ITFG1: variants seen among roughly 807,000 people sequenced by gnomAD.
The protein encoded by ITFG1 is T-cell immunomodulatory protein.
Under a neutral mutation model 81.8 loss-of-function variants are expected in ITFG1, and 34 were observed. The ratio of observed to expected loss-of-function variants is 0.42; its 90% CI spans 0.32 to 0.55. The LOEUF (loss-of-function observed/expected upper bound fraction) is 0.55, where lower values mean the gene tolerates loss of function less well. ITFG1 is among the 20% of genes least tolerant of loss of function. ITFG1 has a pLI of 0.17. For synonymous variants in ITFG1, 285 were observed against 270.6 expected (o/e 1.05, Z -0.52); for missense variants, 672 against 755.4 (o/e 0.89, Z 1.29).
intron 8 of ITFG1, among the ~76,000 whole-genome samples, chr16:47,314,810 C>T (rs17190543): frequency 0.017 from 2,533 of 152,032 alleles, 23 homozygotes; most frequent in Middle Eastern, 0.031. Flanking sequence ...TAACTCGTGC[C>T]TGAGGTAGTA....
intron 13 of ITFG1, among the ~76,000 whole-genome samples, chr16:47,223,514 G>C (rs1377762964): frequency 6.6e-6 from 1 of 152,194 alleles, no homozygotes. Context: ...ACCACAATGA[G>C]ATACCATCTC....
At chr16:47,199,500 A>G (rs1596803318) in intron 14 of ITFG1, among the ~76,000 whole-genome samples, 1 of 152,166 alleles carries the variant, frequency 6.6e-6, no homozygotes, top group Non-Finnish European at 1.5e-5. Context: ...ATGTTTAGGT[A>G]TCTTTACATA....
chr16:47,184,246 G>A (rs760286318), intron 14 of ITFG1, among the ~76,000 whole-genome samples: 1 of 152,146 alleles, frequency 6.6e-6, no homozygotes, highest in African/African-American at 2.4e-5. Context: ...TAGCAAGGAA[G>A]GCCAACATTC....
chr16:47,393,547 T>A (rs1968557501), intron 6 of ITFG1, among the ~76,000 whole-genome samples: 1 of 151,950 alleles, frequency 6.6e-6, no homozygotes, highest in South Asian at 2.1e-4. Flanking sequence ...ACTGGCCAAC[T>A]TGGCAAAACA....
chr16:47,362,845 T>A (rs758771604), intron 8 of ITFG1, among the ~76,000 whole-genome samples: 1 of 152,160 alleles, frequency 6.6e-6, no homozygotes, highest in Non-Finnish European at 1.5e-5. Context: ...TTTTAACATA[T>A]TCATATTCTG....
chr16:47,197,035 T>G (rs949933771), intron 14 of ITFG1, among the ~76,000 whole-genome samples: 5 of 152,198 alleles, frequency 3.3e-5, no homozygotes, highest in African/African-American at 1.2e-4. Context: ...GACTCTGGTA[T>G]AGCATCACAT....
chr16:47,197,419 AC>A, intron 14 of ITFG1, among the ~76,000 whole-genome samples: 2 of 152,328 alleles, frequency 1.3e-5, no homozygotes, highest in South Asian at 4.1e-4. Flanking sequence ...TCCACCTGTG[AC>A]CTGTAAGCCC....
intron 6 of ITFG1, among the ~76,000 whole-genome samples, chr16:47,417,141 T>A (rs1968885298): frequency 6.6e-6 from 1 of 152,212 alleles, no homozygotes; most frequent in Non-Finnish European, 1.5e-5. Context: ...CAGAGAGGCC[T>A]TTGCATGAGG....
At chr16:47,439,586 A>C (rs539991456) in intron 5 of ITFG1, among the ~76,000 whole-genome samples, 24 of 152,330 alleles carry the variant, frequency 1.6e-4, no homozygotes, top group African/African-American at 5.8e-4. Flanking sequence ...AGCAAAACTA[A>C]GCTTCATAAG....
At chr16:47,396,757 T>C (rs763350384) in intron 6 of ITFG1, among the ~76,000 whole-genome samples, 1 of 152,140 alleles carries the variant, frequency 6.6e-6, no homozygotes, top group Non-Finnish European at 1.5e-5. Flanking sequence ...CAAAAAGCGT[T>C]GCAGGGAGGG....
intron 6 of ITFG1, among the ~76,000 whole-genome samples, chr16:47,389,628 C>T (rs1413348548): frequency 6.6e-6 from 1 of 152,006 alleles, no homozygotes; most frequent in Non-Finnish European, 1.5e-5. Context: ...GGGTTTGTAA[C>T]ATATATAGAT....
At chr16:47,311,149 A>G (rs2151564304) in intron 10 of ITFG1, 91 bp downstream of exon 10, 1 of 828,404 alleles carries the variant, frequency 1.2e-6, no homozygotes, top group South Asian at 2.1e-5. Context: ...ATTATAACAT[A>G]TTTAGGTACT....
intron 10 of ITFG1, among the ~76,000 whole-genome samples, chr16:47,294,158 C>T (rs1966950776): frequency 6.6e-6 from 1 of 152,054 alleles, no homozygotes; most frequent in Non-Finnish European, 1.5e-5. Context: ...TAACAAAGAT[C>T]AGTTAACTGT....
chr16:47,341,631 A>G (rs1967786254), intron 8 of ITFG1, among the ~76,000 whole-genome samples: 1 of 151,228 alleles, frequency 6.6e-6, no homozygotes, highest in African/African-American at 2.4e-5. Context: ...GAGAAAGATA[A>G]AGAAAACGGG....
In ITFG1 at chr16:47,318,788, G is replaced by C. The variant is rs532712282; in HGVS notation, c.803-4965C>G. 1.9e-3 allele frequency among the ~76,000 whole-genome samples: 291 copies of C among 152,176 alleles called. 1 individual carries two copies. The highest frequency in any genetic ancestry group is 6.7e-3 in the African/African-American group (280 of 41,520). ...ACAAAAAGTTTTTGAAAAAAGAGTAGAATTGCCTGGCTTTAAAATAAAATT... is the reference window on the plus strand; with the variant it reads ...ACAAAAAGTTTTTGAAAAAAGAGTACAATTGCCTGGCTTTAAAATAAAATT... On this transcript the variant is annotated intron_variant, in intron 8 of 17. Coordinates refer to ENST00000320640, the MANE Select transcript of ITFG1 (RefSeq NM_030790.5).
intron 5 of ITFG1, among the ~76,000 whole-genome samples, chr16:47,430,312 C>T (rs149765932): frequency 9.9e-5 from 15 of 151,988 alleles, no homozygotes; most frequent in East Asian, 7.7e-4. Context: ...GCAGTTCACC[C>T]GCCTCGGCCT....
In ITFG1 at chr16:47,456,107, G is replaced by T. The variant is rs563488829; in HGVS notation, c.282-1949C>A. Among the ~76,000 whole-genome samples the T allele has an allele frequency of 1.1e-4, 16 of 152,226 alleles. No individual in the cohort carries two copies. The East Asian group carries it at 3.1e-3, about 29-fold the overall frequency. On this transcript the variant is annotated intron_variant, in intron 2 of 17. Transcript: ENST00000320640. ...TGCAGCACTTTGGGAGGCGAAGGTG[G>T]GAGGACAGCTTGAGCCCAGGATTAG...
chr16:47,248,772 T>C (rs1966031901), intron 12 of ITFG1, among the ~76,000 whole-genome samples: 1 of 152,160 alleles, frequency 6.6e-6, no homozygotes, highest in South Asian at 2.1e-4. Flanking sequence ...AAATATAGGT[T>C]TATGGGTGAA....
At chr16:47,260,806 A>G in intron 10 of ITFG1, 111 bp from the exon 11 acceptor site, 1 of 1,134,598 alleles carries the variant, frequency 8.8e-7, no homozygotes, top group Non-Finnish European at 1.3e-6. Context: ...CAGTGAAATT[A>G]CACGAAAAAA....
Sources: allele counts gnomAD v4.1 joint callset (sites outside exome capture counted in the v4.1 genomes callset), GRCh38; gene constraint gnomAD v4.1.1; transcripts MANE v1.5; gene names NCBI Gene and HGNC (gene_info 2026-07-23, HGNC 2026-07-21).